RBPJ: variants seen among roughly 807,000 people sequenced by gnomAD.
RBPJ encodes recombining binding protein suppressor of hairless.
A neutral mutation model predicts 67.8 loss-of-function variants in RBPJ; 9 were observed. The observed-to-expected ratio is 0.13, with a 90% confidence interval of 0.08 to 0.23. RBPJ has a LOEUF of 0.23. Among genes scored for constraint, RBPJ ranks in the 10% least tolerant of loss-of-function variants. RBPJ has a pLI of 1.00. For synonymous variants in RBPJ, 198 were observed against 203.3 expected, an observed-to-expected ratio of 0.97 and a Z score of 0.22; for missense variants, 305 against 595.6, an observed-to-expected ratio of 0.51 and a Z score of 5.08.
chr4:26,362,686 A>C, intron 1 of RBPJ: 1 of 1,354,354 alleles, frequency 7.4e-7, no homozygotes, highest in South Asian at 1.2e-5. Flanking sequence ...AACACTCATG[A>C]TTCTGTATTT....
rs560092977 is a variant in RBPJ at position 26,355,467 on chromosome 4, G to A, written c.21-30886G>A. Among the ~76,000 whole-genome samples the A allele has an allele frequency of 1.2e-3, 171 of 143,912 alleles. 1 individual carries two copies. The highest frequency in any genetic ancestry group is 4.3e-3 in the African/African-American group (165 of 38,238). 94.4% of individuals were successfully genotyped at this position (143,912 alleles called of 152,430 possible). A position where few individuals can be genotyped will look rare whatever the true frequency, so the allele number is the denominator to read the frequency against. ...ATTTGAGACCATCCTGGGCAACATA[G>A]CAAGACTTCATCTCTACCAAAAAAA... On this transcript the variant is annotated intron_variant, in intron 1 of 10. Coordinates refer to ENST00000355476, the MANE Select transcript of RBPJ (RefSeq NM_015874.6).
chr4:26,422,779 C>T (rs1387584218), intron 5 of RBPJ, among the ~76,000 whole-genome samples: 1 of 152,196 alleles, frequency 6.6e-6, no homozygotes, highest in African/African-American at 2.4e-5. Flanking sequence ...GTGATCTTAA[C>T]ATTCAACCAA....
the RBPJ span, among the ~76,000 whole-genome samples, chr4:26,122,399 G>A: frequency 1.3e-5 from 2 of 152,172 alleles, no homozygotes; most frequent in East Asian, 1.9e-4. Context: ...GCACAAACTG[G>A]TGAGTGGTTC....
intron 1 of RBPJ, among the ~76,000 whole-genome samples, chr4:26,213,944 G>T (rs1044890533): frequency 6.6e-6 from 1 of 152,154 alleles, no homozygotes; most frequent in African/African-American, 2.4e-5. Flanking sequence ...GAAAATAAGG[G>T]TGTGGCTCAA....
Position 26,420,279 on chromosome 4 carries a change from A to G in RBPJ, c.322-272A>G, listed in dbSNP as rs988508583. Among the ~76,000 whole-genome samples, 10 of 152,304 alleles carry G rather than the reference A, an allele frequency of 6.6e-5. 1 individual carries two copies. In the East Asian group the frequency reaches 1.9e-3, roughly 29 times the overall value. ...CCATGATACAGTTGTAGAGCTATGT[A>G]AAACAAGAAAAGGCTGTTTTTTTAA... On this transcript the variant is annotated intron_variant, in intron 4 of 10. Transcript: ENST00000355476.
intron 1 of RBPJ, among the ~76,000 whole-genome samples, chr4:26,281,588 T>C (rs1275423571): frequency 1.3e-5 from 2 of 152,230 alleles, no homozygotes; most frequent in Non-Finnish European, 2.9e-5. Context: ...CACTCTAAGA[T>C]ACGACCTTTA....
At chr4:26,320,688 G>T, upstream of RBPJ, 1 of 1,508,228 alleles carries the variant, frequency 6.6e-7, no homozygotes. Context: ...AATCCCCTCC[G>T]GTTTTCCTCA....
chr4:26,366,655 C>A (rs899101923), intron 1 of RBPJ, among the ~76,000 whole-genome samples: 1 of 151,990 alleles, frequency 6.6e-6, no homozygotes. Flanking sequence ...CTCCTGAAAT[C>A]GTGATCTGCC....
Position 26,424,381 on chromosome 4 carries a change from G to A in RBPJ, c.536G>A (p.Arg179Gln). ...GGAACAAAGGTGGCTCTGTTTAATCGACTACGATCCCAGACAGTTAGTACC... is the reference window on the plus strand; with the variant it reads ...GGAACAAAGGTGGCTCTGTTTAATCAACTACGATCCCAGACAGTTAGTACC... ...ASGTKVALFN[R>Q]LRSQTVSTRY... The change falls in exon 6 of 11, where the codon CGA becomes CAA. Residue 179 changes from arginine (R) to glutamine (Q), a missense_variant. Physicochemically the swap from Arg to Gln is conservative, Grantham distance 43. This residue lies in a region of RBPJ where 66 missense variants were observed against 226.0 expected (regional missense o/e 0.29). Transcript: ENST00000355476. The surrounding 1 kb of genome is among the most constrained non-coding windows in gnomAD (Gnocchi z 5.3). 1 of 1,613,902 alleles carries A rather than the reference G, an allele frequency of 6.2e-7. No homozygotes were observed. The highest frequency in any genetic ancestry group is 8.5e-7 in the Non-Finnish European group (1 of 1,179,948).
At chr4:26,162,339 C>G (rs1189291527), upstream of RBPJ, among the ~76,000 whole-genome samples, 1 of 152,248 alleles carries the variant, frequency 6.6e-6, no homozygotes, top group Non-Finnish European at 1.5e-5. Context: ...CAAATCAGGA[C>G]AAACTGTTCA....
At chr4:26,139,650 C>T in the RBPJ span, among the ~76,000 whole-genome samples, 2 of 152,154 alleles carry the variant, frequency 1.3e-5, no homozygotes, top group Non-Finnish European at 2.9e-5. Context: ...CAGAGACAGG[C>T]AGAGGCAAAT....
At chr4:26,210,376 A>T (rs1316346203) in intron 1 of RBPJ, among the ~76,000 whole-genome samples, 1 of 152,178 alleles carries the variant, frequency 6.6e-6, no homozygotes, top group African/African-American at 2.4e-5. Context: ...AAGTCTATCC[A>T]CATGTAGAAA....
At chr4:26,146,200 G>A in the RBPJ span, among the ~76,000 whole-genome samples, 2,432 of 152,228 alleles carry the variant, frequency 0.016, 29 homozygotes, top group Middle Eastern at 0.037. Context: ...TTCCACTTCG[G>A]CCTCCCAAAG....
At chr4:26,157,254 A>G in the RBPJ span, among the ~76,000 whole-genome samples, 1 of 152,194 alleles carries the variant, frequency 6.6e-6, no homozygotes, top group Admixed American at 6.6e-5. Flanking sequence ...ACTCATAATG[A>G]GACCCCACCT....
intron 1 of RBPJ, among the ~76,000 whole-genome samples, chr4:26,186,947 G>A (rs538861241): frequency 5.9e-5 from 9 of 152,052 alleles, no homozygotes; most frequent in East Asian, 3.9e-4. Context: ...AAGGCCTGGC[G>A]CAGTGGACCA....
At chr4:26,353,464 G>T (rs1727015874) in intron 1 of RBPJ, among the ~76,000 whole-genome samples, 1 of 152,100 alleles carries the variant, frequency 6.6e-6, no homozygotes, top group Non-Finnish European at 1.5e-5. Context: ...CAGTTTGTGT[G>T]TCTATAAAAT....
intron 1 of RBPJ, among the ~76,000 whole-genome samples, chr4:26,227,318 C>T (rs1719109361): frequency 6.6e-6 from 1 of 152,204 alleles, no homozygotes; most frequent in African/African-American, 2.4e-5. Context: ...AGCTCTGCCT[C>T]ATCCTGGCTG....
At chr4:26,123,406 A>C in the RBPJ span, among the ~76,000 whole-genome samples, 1 of 152,190 alleles carries the variant, frequency 6.6e-6, no homozygotes, top group African/African-American at 2.4e-5. Context: ...GTGAGTCTGA[A>C]TAGGTGGTGA....
chr4:26,271,835 C>T (rs924034930), intron 1 of RBPJ, among the ~76,000 whole-genome samples: 1 of 152,180 alleles, frequency 6.6e-6, no homozygotes, highest in Non-Finnish European at 1.5e-5. Flanking sequence ...TTCATTCATT[C>T]TGCACAGTGT....
Sources: allele counts gnomAD v4.1 joint callset (sites outside exome capture counted in the v4.1 genomes callset), GRCh38; gene constraint gnomAD v4.1.1; regional missense constraint gnomAD v4.1.1; non-coding constraint Gnocchi (gnomAD v3.1); transcripts MANE v1.5; gene names NCBI Gene and HGNC (gene_info 2026-07-23, HGNC 2026-07-21).